The following ANKS1B variants were observed in gnomAD, a reference collection of about 807,000 sequenced individuals.
ANKS1B encodes ankyrin repeat and sterile alpha motif domain containing 1B.
Under a neutral mutation model 148.3 loss-of-function variants are expected in ANKS1B, and 36 were observed. The ratio of observed to expected loss-of-function variants is 0.24; its 90% CI spans 0.19 to 0.32. The LOEUF (loss-of-function observed/expected upper bound fraction) is 0.32. ANKS1B is among the 10% of genes least tolerant of loss of function. ANKS1B has a pLI of 1.00. For missense variants in ANKS1B, 1,157 were observed against 1,542.6 expected, an observed-to-expected ratio of 0.75 and a Z score of 4.19; for synonymous variants, 542 against 560.8, an observed-to-expected ratio of 0.97 and a Z score of 0.47.
chr12:99,628,778 A>G (rs1293592587), intron 9 of ANKS1B, among the ~76,000 whole-genome samples: 1 of 152,152 alleles, frequency 6.6e-6, no homozygotes, highest in African/African-American at 2.4e-5. Flanking sequence ...GTGAGAGAGC[A>G]AGAGCAGAGG....
intron 1 of ANKS1B, among the ~76,000 whole-genome samples, chr12:99,919,779 T>TTAAAAAA (rs371345120): frequency 7.4e-6 from 1 of 134,492 alleles, no homozygotes; most frequent in Non-Finnish European, 1.6e-5. Flanking sequence ...GCTGCAGAGT[T>TTAAAAAA]AAAAAAAAAA....
intron 14 of ANKS1B, among the ~76,000 whole-genome samples, chr12:99,156,090 T>C (rs909186300): frequency 4.6e-5 from 7 of 152,176 alleles, no homozygotes; most frequent in Admixed American, 1.3e-4. Flanking sequence ...TCAAACCTCA[T>C]CTTTCTCTGT....
At position 99,053,202 on chromosome 12, in the gene ANKS1B, A is replaced by G. The variant is rs2099967386; in HGVS notation, c.2733T>C (p.Thr911=). 6.2e-7 allele frequency: 1 copy of G among 1,610,206 alleles called. No homozygotes were observed. Among genetic ancestry groups the G allele is most frequent in the African/African-American group, 1.3e-5 (1 of 75,024 alleles). The part of the protein sequence containing the change: ...YTKAFLINGY[T]SMDLLKKIWE... ...AGATTTTTTTCAACAGGTCCATCGA[A>G]GTGTAGCCATTAATTAGAAAGGCTT... Residue 911 remains threonine (T), a synonymous_variant, in exon 17 of 27, where the codon ACT becomes ACC. Transcript: ENST00000683438.
intron 12 of ANKS1B, among the ~76,000 whole-genome samples, chr12:99,370,886 C>T (rs892075229): frequency 2.6e-5 from 4 of 152,124 alleles, no homozygotes; most frequent in Admixed American, 6.6e-5. Flanking sequence ...ACAAGTACTT[C>T]GATGCACTCT....
chr12:99,739,452 C>A (rs527678039), intron 8 of ANKS1B, among the ~76,000 whole-genome samples: 3 of 151,876 alleles, frequency 2.0e-5, no homozygotes, highest in African/African-American at 7.3e-5. Flanking sequence ...CAAATCCTGA[C>A]TCCAGGGACT....
chr12:98,881,800 T>C (rs1263003012), intron 17 of ANKS1B, among the ~76,000 whole-genome samples: 2 of 152,156 alleles, frequency 1.3e-5, no homozygotes, highest in African/African-American at 4.8e-5. Context: ...AAAAAGACTG[T>C]GACAAATAAA....
At chr12:99,026,050 G>T (rs1040069000) in intron 17 of ANKS1B, among the ~76,000 whole-genome samples, 2 of 152,194 alleles carry the variant, frequency 1.3e-5, no homozygotes, top group African/African-American at 4.8e-5. Context: ...TGTAATTCCA[G>T]TTTAGCTAGG....
intron 16 of ANKS1B, among the ~76,000 whole-genome samples, chr12:99,077,592 G>T (rs1381256189): frequency 1.3e-5 from 2 of 152,146 alleles, no homozygotes; most frequent in Admixed American, 1.3e-4. Context: ...AAATAACATT[G>T]GTTGTACACT....
At chr12:99,838,744 C>CT (rs1414861036) in intron 1 of ANKS1B, among the ~76,000 whole-genome samples, 1 of 151,828 alleles carries the variant, frequency 6.6e-6, no homozygotes, top group Non-Finnish European at 1.5e-5. Context: ...CTTCCTATTT[C>CT]TTTTTTTGAT....
rs867649582 is a variant in ANKS1B at position 98,899,327 on chromosome 12, T to G, written c.2779-67191A>C. ...TTGGAAATAAATTAGATTACCAATA[T>G]GTAGTACTTTTCACTAAGTACCACA... On this transcript the variant is annotated intron_variant, in intron 17 of 26. Transcript: ENST00000683438. 3.3e-5 allele frequency among the ~76,000 whole-genome samples: 5 copies of G among 152,238 alleles called. No individual in the cohort carries two copies. In the South Asian group the frequency reaches 6.2e-4, roughly 19 times the overall value.
chr12:99,159,256 A>G (rs552624285), intron 14 of ANKS1B, among the ~76,000 whole-genome samples: 2 of 152,222 alleles, frequency 1.3e-5, no homozygotes, highest in South Asian at 2.1e-4. Context: ...TTTAGGGAGT[A>G]TATGTTCAGG....
At chr12:99,465,922 C>G (rs888454616) in intron 10 of ANKS1B, among the ~76,000 whole-genome samples, 4 of 152,004 alleles carry the variant, frequency 2.6e-5, no homozygotes, top group African/African-American at 9.7e-5. Context: ...GGAATTGAAC[C>G]CAGCTCTGCA....
intron 24 of ANKS1B, among the ~76,000 whole-genome samples, chr12:98,774,605 G>C (rs749260391): frequency 6.6e-6 from 1 of 152,034 alleles, no homozygotes; most frequent in African/African-American, 2.4e-5. Flanking sequence ...TAAAACCCTC[G>C]ATGCTTTAGT....
At chr12:99,588,979 TGAGGCTTG>T (rs1442446023) in intron 9 of ANKS1B, among the ~76,000 whole-genome samples, 2 of 152,204 alleles carry the variant, frequency 1.3e-5, no homozygotes, top group Non-Finnish European at 1.5e-5. Context: ...CTCTGGACAG[TGAGGCTTG>T]TTACTCATTT....
chr12:98,978,301 T>G (rs530973355), intron 17 of ANKS1B, among the ~76,000 whole-genome samples: 10 of 152,230 alleles, frequency 6.6e-5, no homozygotes, highest in Non-Finnish European at 1.2e-4. Context: ...CATTAGTGGT[T>G]TATTAGTTAT....
At chr12:99,083,012 G>A (rs537450838) in intron 16 of ANKS1B, among the ~76,000 whole-genome samples, 1 of 152,150 alleles carries the variant, frequency 6.6e-6, no homozygotes, top group East Asian at 1.9e-4. Context: ...TGAACAATAT[G>A]CTCATAGGAA....
chr12:99,399,008 C>A (rs1430289479), intron 12 of ANKS1B, among the ~76,000 whole-genome samples: 1 of 152,072 alleles, frequency 6.6e-6, no homozygotes, highest in Admixed American at 6.6e-5. Context: ...GGAGGATATT[C>A]TTTGGGTCCC....
chr12:99,705,003 G>C (rs2055500742), intron 8 of ANKS1B, among the ~76,000 whole-genome samples: 1 of 152,164 alleles, frequency 6.6e-6, no homozygotes, highest in Middle Eastern at 3.4e-3. Flanking sequence ...TGACTAAGCA[G>C]ACTTGAGAAC....
At chr12:99,804,084 A>G (rs879777579) in intron 4 of ANKS1B, among the ~76,000 whole-genome samples, 4 of 152,222 alleles carry the variant, frequency 2.6e-5, no homozygotes, top group Non-Finnish European at 5.9e-5. Flanking sequence ...CATGTCATCT[A>G]GTACAAAACA....
Sources: gnomAD v4.1 joint callset for allele counts (sites outside exome capture counted in the v4.1 genomes callset) on GRCh38, gnomAD v4.1.1 for gene constraint, MANE v1.5 for transcripts, NCBI Gene and HGNC (gene_info 2026-07-23, HGNC 2026-07-21) for gene names.